NRXN3: variants seen among roughly 807,000 people sequenced by gnomAD.
The protein encoded by NRXN3 is neurexin 3, also known as neurexin III.
Under a neutral mutation model 137.6 loss-of-function variants are expected in NRXN3, and 32 were observed. The ratio of observed to expected loss-of-function variants is 0.23; its 90% confidence interval spans 0.18 to 0.31. The LOEUF (loss-of-function observed/expected upper bound fraction) is 0.31. NRXN3 is among the 10% of genes least tolerant of loss of function. NRXN3 has a pLI of 1.00. For synonymous variants in NRXN3, 798 were observed against 784.5 expected (o/e 1.02, Z -0.29); for missense variants, 1,574 against 2,062.5 (o/e 0.76, Z 4.59).
At chr14:79,402,873 G>T (rs1372835522) in intron 15 of NRXN3, among the ~76,000 whole-genome samples, 2 of 151,958 alleles carry the variant, frequency 1.3e-5, no homozygotes, top group Admixed American at 6.6e-5. Flanking sequence ...AAATCTTTTT[G>T]TACAAAAGAC....
chr14:79,508,391 T>TTTCTGA (rs1491173769), intron 16 of NRXN3, among the ~76,000 whole-genome samples: 1 of 54,636 alleles, frequency 1.8e-5, no homozygotes, highest in African/African-American at 1.1e-4. Context: ...CAATAACTGA[T>TTTCTGA]TTTTTTTTTT....
intron 8 of NRXN3, among the ~76,000 whole-genome samples, chr14:78,775,722 C>A (rs1165554286): frequency 6.6e-6 from 1 of 152,070 alleles, no homozygotes; most frequent in Non-Finnish European, 1.5e-5. Flanking sequence ...AGACATGTTC[C>A]TTTCTTTAGG....
chr14:78,208,699 C>G (rs2062445569), intron 1 of NRXN3, among the ~76,000 whole-genome samples: 1 of 152,174 alleles, frequency 6.6e-6, no homozygotes, highest in South Asian at 2.1e-4. Context: ...TACTTAACCT[C>G]TCTGAGCCTC....
At chr14:79,483,770 C>CGCGT (rs2096629728) in intron 16 of NRXN3, among the ~76,000 whole-genome samples, 2 of 142,158 alleles carry the variant, frequency 1.4e-5, no homozygotes, top group Admixed American at 1.3e-4. Context: ...GGAAATGATG[C>CGCGT]GTGTGTGTGT....
chr14:78,497,255 A>C (rs909256611), intron 4 of NRXN3, among the ~76,000 whole-genome samples: 4 of 152,156 alleles, frequency 2.6e-5, no homozygotes, highest in Admixed American at 1.3e-4. Context: ...GTTTTGATTA[A>C]CTTTGTCATT....
chr14:78,354,945 G>A (rs1038630081), intron 4 of NRXN3, among the ~76,000 whole-genome samples: 2 of 152,172 alleles, frequency 1.3e-5, no homozygotes, highest in Non-Finnish European at 2.9e-5. Flanking sequence ...CAGCACACAA[G>A]TCTCAGGGAG....
chr14:78,780,160 T>C (rs1189874130), intron 8 of NRXN3, among the ~76,000 whole-genome samples: 1 of 152,154 alleles, frequency 6.6e-6, no homozygotes, highest in East Asian at 1.9e-4. Context: ...TTCCTTACAG[T>C]ATGGAAAATT....
chr14:79,730,215 C>T (rs1421900734), intron 19 of NRXN3, among the ~76,000 whole-genome samples: 1 of 152,066 alleles, frequency 6.6e-6, no homozygotes, highest in Non-Finnish European at 1.5e-5. Context: ...CACAGCATCC[C>T]ACTTTGTGCC....
chr14:78,778,683 TTTCTTTCTTTC>T (rs768403401), intron 8 of NRXN3, among the ~76,000 whole-genome samples: 23 of 70,164 alleles, frequency 3.3e-4, no homozygotes, highest in East Asian at 3.0e-3. Flanking sequence ...TTTTCTTTTC[TTTCTTTCTTTC>T]TTTCTTTCTT....
intron 16 of NRXN3, among the ~76,000 whole-genome samples, chr14:79,485,906 T>C (rs1015138452): frequency 7.9e-5 from 12 of 152,162 alleles, no homozygotes; most frequent in African/African-American, 2.4e-4. Context: ...TTCCATTAGA[T>C]GCTTGAACGT....
At chr14:78,651,516 G>A (rs1204327298) in intron 6 of NRXN3, among the ~76,000 whole-genome samples, 190 bp downstream of exon 6, 4 of 152,136 alleles carry the variant, frequency 2.6e-5, no homozygotes, top group African/African-American at 9.7e-5. Context: ...ATGACTTGGG[G>A]TTTGTCACTT....
At chr14:78,936,036 TC>T in intron 10 of NRXN3, among the ~76,000 whole-genome samples, 1 of 152,224 alleles carries the variant, frequency 6.6e-6, no homozygotes, top group Non-Finnish European at 1.5e-5. Context: ...CGCTTCACAT[TC>T]TTTTTAAATT....
At chr14:78,508,927 T>A (rs2096052681) in intron 4 of NRXN3, among the ~76,000 whole-genome samples, 1 of 152,226 alleles carries the variant, frequency 6.6e-6, no homozygotes, top group Non-Finnish European at 1.5e-5. Flanking sequence ...ATGAGCAATA[T>A]TTTGTATTCA....
At chr14:79,735,645 A>G (rs755412408) in intron 19 of NRXN3, among the ~76,000 whole-genome samples, 2 of 152,226 alleles carry the variant, frequency 1.3e-5, no homozygotes, top group Non-Finnish European at 2.9e-5. Flanking sequence ...GTGGTAGTGT[A>G]TAAGCAGAAG....
chr14:78,205,392 G>A (rs1263667728), intron 1 of NRXN3, among the ~76,000 whole-genome samples: 1 of 152,190 alleles, frequency 6.6e-6, no homozygotes, highest in Non-Finnish European at 1.5e-5. Flanking sequence ...GTCATGTGTT[G>A]GGTCTTTTCA....
intron 10 of NRXN3, among the ~76,000 whole-genome samples, chr14:78,919,660 T>C (rs377612806): frequency 6.6e-6 from 1 of 152,356 alleles, no homozygotes; most frequent in East Asian, 1.9e-4. Flanking sequence ...TTCTAATGCA[T>C]GTTTTATAGA....
chr14:78,785,641 T>G (rs2098786857), intron 8 of NRXN3, among the ~76,000 whole-genome samples: 1 of 152,208 alleles, frequency 6.6e-6, no homozygotes, highest in South Asian at 2.1e-4. Context: ...ATTTTAGCTG[T>G]GTTCTTCGTT....
intron 1 of NRXN3, among the ~76,000 whole-genome samples, chr14:78,214,344 C>T (rs2063045177): frequency 6.6e-6 from 1 of 152,196 alleles, no homozygotes; most frequent in Non-Finnish European, 1.5e-5. Flanking sequence ...GGGCTGGAGT[C>T]CCCTCCTAGT....
intron 10 of NRXN3, among the ~76,000 whole-genome samples, chr14:78,946,684 G>T (rs552788643): frequency 6.6e-6 from 1 of 152,162 alleles, no homozygotes; most frequent in Non-Finnish European, 1.5e-5. Flanking sequence ...GGAGGAGGCA[G>T]TCAGCAGTTT....
Sources: allele counts gnomAD v4.1 joint callset (sites outside exome capture counted in the v4.1 genomes callset), GRCh38; gene constraint gnomAD v4.1.1; transcripts MANE v1.5; gene names NCBI Gene and HGNC (gene_info 2026-07-23, HGNC 2026-07-21).